ANKS1B: variants seen among roughly 807,000 people sequenced by gnomAD.
The protein encoded by ANKS1B is ankyrin repeat and sterile alpha motif domain containing 1B, also known as ankyrin repeat and sterile alpha motif domain-containing protein 1B.
Under a neutral mutation model 148.3 loss-of-function variants are expected in ANKS1B, and 36 were observed. The ratio of observed to expected loss-of-function variants is 0.24; its 90% CI spans 0.19 to 0.32. ANKS1B has a LOEUF of 0.32. Ranked by LOEUF, ANKS1B falls within the 10% of genes least tolerant of loss-of-function variation. ANKS1B has a pLI of 1.00. For synonymous variants in ANKS1B, 542 were observed against 560.8 expected (o/e 0.97, Z 0.47); for missense variants, 1,157 against 1,542.6 (o/e 0.75, Z 4.19).
At chr12:99,051,254 A>G (rs1276521724) in intron 17 of ANKS1B, among the ~76,000 whole-genome samples, 1 of 152,216 alleles carries the variant, frequency 6.6e-6, no homozygotes, top group Admixed American at 6.5e-5. Flanking sequence ...AGAGCCTCAC[A>G]TTGTAAGTGA....
At chr12:99,297,153 G>A (rs1205805966) in intron 12 of ANKS1B, among the ~76,000 whole-genome samples, 3 of 152,044 alleles carry the variant, frequency 2.0e-5, no homozygotes, top group African/African-American at 7.2e-5. Context: ...AAGGCAGAAA[G>A]TTTCAGGTCC....
chr12:99,422,486 A>G (rs528964480), intron 11 of ANKS1B, among the ~76,000 whole-genome samples: 1 of 152,320 alleles, frequency 6.6e-6, no homozygotes, highest in Non-Finnish European at 1.5e-5. Context: ...TTAAGGAAGT[A>G]ATCTTTCAGC....
intron 1 of ANKS1B, among the ~76,000 whole-genome samples, chr12:99,877,924 G>A (rs2153734278): frequency 6.6e-6 from 1 of 152,222 alleles, no homozygotes; most frequent in South Asian, 2.1e-4. Flanking sequence ...CCAGACATTG[G>A]TGGCTTGCTC....
intron 1 of ANKS1B, among the ~76,000 whole-genome samples, chr12:99,909,643 T>C (rs1010559539): frequency 1.3e-5 from 2 of 152,194 alleles, no homozygotes; most frequent in Admixed American, 6.5e-5. Context: ...TATAACTTTG[T>C]AATATAGTTT....
chr12:99,641,281 T>C (rs191633919), intron 9 of ANKS1B, among the ~76,000 whole-genome samples: 1 of 152,200 alleles, frequency 6.6e-6, no homozygotes, highest in South Asian at 2.1e-4. Flanking sequence ...AAACAGGAAC[T>C]AGCGTCCTCA....
intron 17 of ANKS1B, among the ~76,000 whole-genome samples, chr12:98,874,604 A>T (rs1473133486): frequency 6.6e-6 from 1 of 152,218 alleles, no homozygotes; most frequent in Admixed American, 6.5e-5. Context: ...TCTGTAAAAA[A>T]GGAAGAATAA....
chr12:99,143,585 T>C (rs1425645288), intron 15 of ANKS1B, among the ~76,000 whole-genome samples: 2 of 152,262 alleles, frequency 1.3e-5, no homozygotes, highest in African/African-American at 4.8e-5. Flanking sequence ...AACTGAAAGA[T>C]AGATCATGTC....
At chr12:99,245,297 A>C (rs569758096) in intron 13 of ANKS1B, among the ~76,000 whole-genome samples, 9 of 152,330 alleles carry the variant, frequency 5.9e-5, no homozygotes, top group African/African-American at 2.2e-4. Context: ...AGGATCTCAG[A>C]TGTTATTCAC....
intron 12 of ANKS1B, among the ~76,000 whole-genome samples, chr12:99,337,726 C>A (rs2152313879): frequency 6.6e-6 from 1 of 152,320 alleles, no homozygotes; most frequent in Non-Finnish European, 1.5e-5. Flanking sequence ...GGGGGCACCC[C>A]AAGCCCAGGA....
At chr12:99,426,060 T>G (rs1384606298) in intron 11 of ANKS1B, among the ~76,000 whole-genome samples, 1 of 152,172 alleles carries the variant, frequency 6.6e-6, no homozygotes, top group African/African-American at 2.4e-5. Context: ...GAGAAATGAC[T>G]GCTGAGCTAA....
intron 17 of ANKS1B, among the ~76,000 whole-genome samples, chr12:99,041,164 A>C (rs2099958695): frequency 6.6e-6 from 1 of 152,194 alleles, no homozygotes; most frequent in Non-Finnish European, 1.5e-5. Context: ...ACGAAGGGGA[A>C]GATAAAGGAA....
At chr12:99,387,428 C>T (rs1211399780) in intron 12 of ANKS1B, among the ~76,000 whole-genome samples, 1 of 152,054 alleles carries the variant, frequency 6.6e-6, no homozygotes, top group African/African-American at 2.4e-5. Flanking sequence ...CCATCCTGGC[C>T]AACATGGTGA....
At chr12:99,569,545 GTTAAGAATGTT>G in intron 9 of ANKS1B, among the ~76,000 whole-genome samples, 1 of 152,324 alleles carries the variant, frequency 6.6e-6, no homozygotes, top group Middle Eastern at 3.4e-3. Flanking sequence ...AGACTTTCCT[GTTAAGAATGTT>G]TGTAGTGGAT....
At chr12:99,084,180 G>T (rs953155611) in intron 16 of ANKS1B, among the ~76,000 whole-genome samples, 1 of 152,292 alleles carries the variant, frequency 6.6e-6, no homozygotes, top group East Asian at 1.9e-4. Flanking sequence ...TAGGTCCCTT[G>T]TAGGGACCAT....
intron 22 of ANKS1B, among the ~76,000 whole-genome samples, chr12:98,784,166 G>T (rs1181974986): frequency 6.6e-6 from 1 of 152,230 alleles, no homozygotes; most frequent in African/African-American, 2.4e-5. Context: ...TGATAAGCAG[G>T]TGGAGATATC....
chr12:99,427,304 T>C (rs750084285), intron 11 of ANKS1B, among the ~76,000 whole-genome samples: 7 of 152,216 alleles, frequency 4.6e-5, no homozygotes, highest in Non-Finnish European at 7.3e-5. Context: ...TGGTTTCATC[T>C]CACAGCACTT....
At chr12:98,928,375 A>G (rs2099810667) in intron 17 of ANKS1B, among the ~76,000 whole-genome samples, 1 of 151,918 alleles carries the variant, frequency 6.6e-6, no homozygotes, top group African/African-American at 2.4e-5. Flanking sequence ...AATTAACACC[A>G]ATTTCATAAG....
intron 4 of ANKS1B, among the ~76,000 whole-genome samples, chr12:99,784,652 C>T (rs1021588698): frequency 2.0e-5 from 3 of 152,166 alleles, no homozygotes; most frequent in African/African-American, 7.2e-5. Context: ...TAAAAACATA[C>T]TTCTGGGCCC....
chr12:99,259,753 C>T (rs545687913), intron 12 of ANKS1B, among the ~76,000 whole-genome samples: 30 of 151,478 alleles, frequency 2.0e-4, no homozygotes, highest in Admixed American at 3.9e-4. Flanking sequence ...AGGAAGCCAG[C>T]GACATTCACC....
Sources: allele counts gnomAD v4.1 joint callset (sites outside exome capture counted in the v4.1 genomes callset), GRCh38; gene constraint gnomAD v4.1.1; transcripts MANE v1.5; gene names NCBI Gene and HGNC (gene_info 2026-07-23, HGNC 2026-07-21).